Variants in VPS29 observed in about 807,000 individuals in gnomAD.
VPS29 encodes the protein VPS29 retromer complex component, also known as vacuolar protein sorting-associated protein 29.
In VPS29, 2 loss-of-function variants were observed where a neutral mutation model predicts 20.0. That is an observed-to-expected ratio of 0.10 (90% CI 0.04 to 0.31). The LOEUF is 0.31. VPS29 is among the 10% of genes least tolerant of loss of function. The pLI is 1.00. For missense variants in VPS29, 120 were observed against 215.3 expected (o/e 0.56, Z 2.77); for synonymous variants, 81 against 79.3 (o/e 1.02, Z -0.12).
At chr12:110,501,578 C>T (rs556137070) in intron 1 of VPS29, 19 of 1,535,246 alleles carry the variant, frequency 1.2e-5, no homozygotes, top group Admixed American at 2.0e-5. Context: ...CAAAGTTAAA[C>T]GGGTACGAAA....
At position 110,491,543 on chromosome 12, in the gene VPS29, A is replaced by C. The variant is rs1032216853; in HGVS notation, c.*462T>G. 2 of 154,936 alleles carry C rather than the reference A, an allele frequency of 1.3e-5. No individual in the cohort carries two copies. Among genetic ancestry groups the C allele is most frequent in the African/African-American group, 4.8e-5 (2 of 41,432 alleles). The allele number at this position is 154,936 out of a possible 1,614,324, so 9.6% of individuals were successfully genotyped here. A position where few individuals can be genotyped will look rare whatever the true frequency, so the allele number is the denominator to read the frequency against. On this transcript the variant is annotated 3_prime_UTR_variant, in exon 4 of 4. Coordinates refer to ENST00000549578, the MANE Select transcript of VPS29 (RefSeq NM_016226.5). ...AGAGCTCTGAAAGGTCATCTCGTCC[A>C]CTTTAATATTTATATCCGTAGTTTC... is the stretch of plus-strand genomic sequence containing the variant.
At chr12:110,493,298 TC>T (rs1301743912) in intron 2 of VPS29, 67 bp from the exon 3 acceptor site, 1 of 1,167,894 alleles carries the variant, frequency 8.6e-7, no homozygotes, top group African/African-American at 1.6e-5. Flanking sequence ...AAAATCAGTT[TC>T]CTTAAATATT....
chr12:110,501,542 G>C (rs1478494026), intron 1 of VPS29: 2 of 1,535,436 alleles, frequency 1.3e-6, no homozygotes, highest in Non-Finnish European at 1.7e-6. Context: ...AGCGAGGAGG[G>C]TGGTTTATTC....
At chr12:110,492,152 T>A in intron 3 of VPS29, 30 bp from the exon 4 acceptor site, 1 of 1,513,690 alleles carries the variant, frequency 6.6e-7, no homozygotes, top group South Asian at 1.1e-5. Flanking sequence ...ATGTCAGTGT[T>A]TTGTAGCACA....
At chr12:110,501,937 G>A (rs770858651) in intron 1 of VPS29, 112 bp downstream of exon 1, 19 of 1,603,920 alleles carry the variant, frequency 1.2e-5, no homozygotes, top group Middle Eastern at 3.3e-4. Flanking sequence ...GGGCCCTGAC[G>A]CCGAGGCCTC....
chr12:110,492,894 A>AGC, intron 3 of VPS29, 102 bp downstream of exon 3: 1 of 1,058,254 alleles, frequency 9.4e-7, no homozygotes. Flanking sequence ...TGCTGGTATT[A>AGC]CAGGCATGAG....
intron 2 of VPS29, among the ~76,000 whole-genome samples, chr12:110,493,926 G>A (rs953620318): frequency 1.3e-5 from 2 of 152,062 alleles, no homozygotes; most frequent in Non-Finnish European, 2.9e-5. Context: ...TTAAAATAAT[G>A]AGAGCTAACA....
At chr12:110,501,766 C>A (rs771499027) in intron 1 of VPS29, 1 of 1,073,916 alleles carries the variant, frequency 9.3e-7, no homozygotes, top group South Asian at 1.4e-5. Context: ...CTCGGGCGTG[C>A]GTGTCTCGTG....
chr12:110,501,425 G>A (rs892662574), intron 1 of VPS29: 76 of 1,535,300 alleles, frequency 5.0e-5, no homozygotes, highest in East Asian at 1.2e-4. Flanking sequence ...ACCCTAAAGA[G>A]GCGTAGCAAC....
intron 1 of VPS29, chr12:110,501,407 G>A: frequency 6.5e-7 from 1 of 1,535,272 alleles, no homozygotes; most frequent in Admixed American, 2.0e-5. Context: ...ACATCATTAA[G>A]GAATCCTACC....
chr12:110,493,427 T>A (rs1592990750), intron 2 of VPS29, among the ~76,000 whole-genome samples, 196 bp from the exon 3 acceptor site: 1 of 151,990 alleles, frequency 6.6e-6, no homozygotes, highest in Non-Finnish European at 1.5e-5. Context: ...TGGTACCATC[T>A]TGGCTCACTG....
In VPS29 at chr12:110,493,000, C is replaced by T. The variant is rs1417286581; in HGVS notation, c.427G>A (p.Glu143Lys). 6.2e-6 allele frequency: 10 copies of T among 1,610,146 alleles called. No homozygotes were observed. Among genetic ancestry groups the T allele is most frequent in the Non-Finnish European group, 8.5e-6 (10 of 1,178,512 alleles). Residue 143 changes from glutamate (E) to lysine (K), a missense_variant, in exon 3 of 4, where the codon GAA (glutamate) becomes AAA (lysine). Transcript: ENST00000549578. The part of the protein sequence containing the change: ...GSATGAYNAL[E>K]TNIIPSFVLM... ...CCCAAATTCTATACTACTCACGTTT[C>T]CAAGGCATTATATGCCCCAGTGGCA...
At position 110,501,598 on chromosome 12, in the gene VPS29, C is replaced by T. The variant is rs544770664; in HGVS notation, c.3+451G>A. On this transcript the variant is annotated intron_variant, in intron 1 of 3. Transcript: ENST00000549578. ...TTAAACGGGTACGAAATTCTGCTCGCTACTTCCTGTTCTGCATTCGAGAGG... is the reference window on the plus strand; with the variant it reads ...TTAAACGGGTACGAAATTCTGCTCGTTACTTCCTGTTCTGCATTCGAGAGG... The T allele has an allele frequency of 1.6e-5, 25 of 1,535,124 alleles. No individual in the cohort carries two copies. In the African/African-American group the frequency reaches 3.1e-4, roughly 19 times the overall value.
At chr12:110,499,626 C>T in intron 1 of VPS29, 1 of 1,012,082 alleles carries the variant, frequency 9.9e-7, no homozygotes, top group Non-Finnish European at 1.4e-6. Context: ...TAAAAGAAAG[C>T]AACAAAAAGA....
At chr12:110,497,211 T>C (rs1001497706) in intron 1 of VPS29, among the ~76,000 whole-genome samples, 23 of 119,606 alleles carry the variant, frequency 1.9e-4, no homozygotes, top group African/African-American at 5.2e-4. Context: ...TTCTTTCTTT[T>C]TTTTTTTTTT....
At chr12:110,493,286 A>G in intron 2 of VPS29, 55 bp from the exon 3 acceptor site, 2 of 1,282,840 alleles carry the variant, frequency 1.6e-6, no homozygotes, top group Non-Finnish European at 2.1e-6. Flanking sequence ...CTGATGTTTA[A>G]AAAAATCAGT....
intron 1 of VPS29, chr12:110,499,638 A>G (rs1239342699): frequency 2.1e-6 from 2 of 953,230 alleles, no homozygotes; most frequent in Admixed American, 5.3e-5. Flanking sequence ...ACAAAAAGAA[A>G]CCAAAAAAAA....
rs760717691 is a variant in VPS29 at position 110,493,140 on chromosome 12, A to G, written c.287T>C (p.Met96Thr). Reference sequence around the variant, plus strand: ...CCTCTGCAACAGGGCTAAGCTGGCCATATCTCCCCATGGAATAACTTGATG... The same window carrying G: ...CCTCTGCAACAGGGCTAAGCTGGCCGTATCTCCCCATGGAATAACTTGATG... ...HGHQVIPWGD[M>T]ASLALLQRQF... The change falls in exon 3 of 4, where the codon ATG becomes ACG. Residue 96 changes from methionine (M) to threonine (T), a missense_variant. By Grantham distance (81) the Met-to-Thr change is moderately conservative. Coordinates refer to ENST00000549578, the MANE Select transcript of VPS29 (RefSeq NM_016226.5). 14 of 1,613,668 alleles carry G rather than the reference A, an allele frequency of 8.7e-6. No homozygotes were observed. The highest frequency in any genetic ancestry group is 1.1e-5 in the South Asian group (1 of 90,944).
rs180704558 is a variant in VPS29 at position 110,492,879 on chromosome 12, C to T, written c.431+117G>A. On this transcript the variant is annotated intron_variant, in intron 3 of 3. Coordinates refer to ENST00000549578, the MANE Select transcript of VPS29 (RefSeq NM_016226.5). ...GCTCAAGCAACCTGCCCTGGTCTCCCGAAGTGCTGGTATTACAGGCATGAG... is the reference window on the plus strand; with the variant it reads ...GCTCAAGCAACCTGCCCTGGTCTCCTGAAGTGCTGGTATTACAGGCATGAG... The T allele has an allele frequency of 2.4e-5, 22 of 918,568 alleles. 1 individual carries two copies. The African/African-American group carries it at 3.2e-4, about 13-fold the overall frequency. 56.9% of individuals were successfully genotyped at this position (918,568 alleles called of 1,614,324 possible).
Sources: allele counts gnomAD v4.1 joint callset (sites outside exome capture counted in the v4.1 genomes callset), GRCh38; gene constraint gnomAD v4.1.1; transcripts MANE v1.5; gene names NCBI Gene and HGNC (gene_info 2026-07-23, HGNC 2026-07-21).